The following ZBTB44 variants were observed in gnomAD, a reference collection of about 807,000 sequenced individuals.
The protein encoded by ZBTB44 is zinc finger and BTB domain-containing protein 44.
A neutral mutation model predicts 54.0 loss-of-function variants in ZBTB44; 15 were observed. The ratio of observed to expected loss-of-function variants is 0.28; its 90% CI spans 0.19 to 0.43. The LOEUF (loss-of-function observed/expected upper bound fraction) is 0.43. Among genes scored for constraint, ZBTB44 ranks in the 20% least tolerant of loss-of-function variants. The probability of loss-of-function intolerance (pLI) is 1.00; values close to 1 mark genes in which losing one functional copy is unlikely to be tolerated. For missense variants in ZBTB44, 487 were observed against 707.1 expected (o/e 0.69, Z 3.53); for synonymous variants, 230 against 250.1 (o/e 0.92, Z 0.76).
At chr11:130,277,668 CTTTTTTTTAAAG>C (rs1940206268) in intron 1 of ZBTB44, among the ~76,000 whole-genome samples, 1 of 151,790 alleles carries the variant, frequency 6.6e-6, no homozygotes, top group African/African-American at 2.4e-5. Context: ...ATGTTAATTT[CTTTTTTTTAAAG>C]TAATTATATA....
chr11:130,232,536 A>G (rs1953914674), intron 7 of ZBTB44: 1 of 152,176 alleles, frequency 6.6e-6, no homozygotes, highest in South Asian at 2.1e-4. Context: ...AGTCTTAATA[A>G]TTTTTTTCTC....
rs1459613331 is a variant in ZBTB44 at position 130,227,626 on chromosome 11, G to A, written c.*4138C>T. ...AGTCACCCATCTGGAAGACCATGGT[G>A]TACAGTTTCCGCCTAGGCTGGCTGC... On this transcript the variant is annotated 3_prime_UTR_variant, in exon 8 of 8. Transcript: ENST00000357899. 6.6e-6 allele frequency: 1 copy of A among 152,190 alleles called. No homozygotes were observed. Among genetic ancestry groups the A allele is most frequent in the Non-Finnish European group, 1.5e-5 (1 of 68,034 alleles). 9.4% of individuals were successfully genotyped at this position (152,190 alleles called of 1,614,324 possible).
rs531356703 is a variant in ZBTB44 at position 130,305,992 on chromosome 11, A to C, written c.-57+8383T>G. 5.3e-5 allele frequency among the ~76,000 whole-genome samples: 8 copies of C among 152,338 alleles called. No homozygotes were observed. The South Asian group carries it at 1.0e-3, about 20-fold the overall frequency. The stretch of plus-strand genomic sequence containing the variant: ...TCAAATGATATAAAAACAGCCAACA[A>C]ACACATGAAAAAATGTTTAACATCC... On this transcript the variant is annotated intron_variant, in intron 1 of 7. Transcript: ENST00000357899.
At chr11:130,243,000 A>C (rs1352231548) in intron 2 of ZBTB44, among the ~76,000 whole-genome samples, 2 of 152,122 alleles carry the variant, frequency 1.3e-5, no homozygotes, top group African/African-American at 4.8e-5. Flanking sequence ...GTTGAGTGCA[A>C]TGTGCTGCCA....
At chr11:130,313,962 A>ATTTTT (rs1251130348) in intron 1 of ZBTB44, among the ~76,000 whole-genome samples, 227 of 133,774 alleles carry the variant, frequency 1.7e-3, no homozygotes, top group African/African-American at 6.2e-3. Flanking sequence ...ATATATATAT[A>ATTTTT]TATATTTTTT....
In ZBTB44 at chr11:130,238,576, A is replaced by ACAG; in HGVS notation, c.1134_1135insCTG (p.Leu378dup). The ACAG allele has an allele frequency of 6.2e-7, 1 of 1,612,866 alleles. No homozygotes were observed. Among genetic ancestry groups the ACAG allele is most frequent in the Non-Finnish European group, 8.5e-7 (1 of 1,179,564 alleles). ...GTACTGCTGGTGGAAGGAGCAATGT[A>ACAG]GAGTTGGTAGGGATACTGAACATTT... On this transcript the variant is annotated inframe_insertion, in exon 4 of 8. Transcript: ENST00000357899.
chr11:130,231,671 T>C lies in ZBTB44; in HGVS notation c.*93A>G. On this transcript the variant is annotated 3_prime_UTR_variant, in exon 8 of 8. Coordinates refer to ENST00000357899, the MANE Select transcript of ZBTB44 (RefSeq NM_001301098.2). ...TCTTCTTTATTCTTCTTTCCTTCTT[T>C]TCTTTTTTCTTTCCTCTTGCTCTTT... is the stretch of plus-strand genomic sequence containing the variant. The C allele has an allele frequency of 6.6e-6, 1 of 152,268 alleles. No homozygotes were observed. 9.4% of individuals were successfully genotyped at this position (152,268 alleles called of 1,614,324 possible). A position where few individuals can be genotyped will look rare whatever the true frequency, so the allele number is the denominator to read the frequency against.
At chr11:130,298,742 C>T (rs932504506) in intron 1 of ZBTB44, among the ~76,000 whole-genome samples, 2 of 150,944 alleles carry the variant, frequency 1.3e-5, no homozygotes, top group African/African-American at 2.4e-5. Flanking sequence ...GGATTACAGG[C>T]GTGAGCCACC....
intron 1 of ZBTB44, among the ~76,000 whole-genome samples, chr11:130,273,287 TG>T (rs1306028076): frequency 8.0e-5 from 12 of 150,540 alleles, no homozygotes; most frequent in Non-Finnish European, 1.6e-4. Flanking sequence ...GATGTCACCA[TG>T]AATAAAATTA....
At chr11:130,302,351 A>T (rs76666375) in intron 1 of ZBTB44, among the ~76,000 whole-genome samples, 6,202 of 152,210 alleles carry the variant, frequency 0.041, 306 homozygotes, top group African/African-American at 0.12. Flanking sequence ...GTTAGGTAAA[A>T]CTAGTGGCGG....
intron 1 of ZBTB44, among the ~76,000 whole-genome samples, chr11:130,303,774 A>T (rs1942114503): frequency 6.6e-6 from 1 of 152,182 alleles, no homozygotes; most frequent in Admixed American, 6.5e-5. Flanking sequence ...AACATCTGTA[A>T]TTTTAAGTTT....
chr11:130,265,756 C>T (rs1397024139), intron 1 of ZBTB44, among the ~76,000 whole-genome samples: 1 of 152,136 alleles, frequency 6.6e-6, no homozygotes, highest in African/African-American at 2.4e-5. Flanking sequence ...AAGCCTAATC[C>T]AGCGCAAGGC....
chr11:130,286,143 G>T (rs1023404799), intron 1 of ZBTB44, among the ~76,000 whole-genome samples: 1 of 152,074 alleles, frequency 6.6e-6, no homozygotes, highest in South Asian at 2.1e-4. Flanking sequence ...AGACTGAGAC[G>T]AAATCAGGCA....
At chr11:130,241,786 T>A (rs573990443) in intron 2 of ZBTB44, among the ~76,000 whole-genome samples, 1 of 152,240 alleles carries the variant, frequency 6.6e-6, no homozygotes, top group South Asian at 2.1e-4. Context: ...AATTATCTTA[T>A]GAAAAGTATC....
chr11:130,300,503 T>C (rs1469139353), intron 1 of ZBTB44, among the ~76,000 whole-genome samples: 2 of 151,384 alleles, frequency 1.3e-5, no homozygotes, highest in Admixed American at 1.3e-4. Flanking sequence ...ATAAGCAAAA[T>C]TGATAAACCT....
chr11:130,299,367 T>A lies in ZBTB44; in HGVS notation c.-57+15008A>T, dbSNP rs183251018. ...ACCCATGGGCTGGTCAAATAAGGAA[T>A]CAACAAAGGAAACTGGAATATATTT... On this transcript the variant is annotated intron_variant, in intron 1 of 7. Transcript: ENST00000357899. Among the ~76,000 whole-genome samples, 11 of 151,910 alleles carry A rather than the reference T, an allele frequency of 7.2e-5. No homozygotes were observed. In the East Asian group the frequency reaches 2.1e-3, roughly 30 times the overall value.
intron 1 of ZBTB44, among the ~76,000 whole-genome samples, chr11:130,281,050 C>T (rs964207498): frequency 1.3e-5 from 2 of 152,046 alleles, no homozygotes; most frequent in African/African-American, 4.8e-5. Context: ...ATCCATAAAT[C>T]AAAAGGCAAG....
intron 1 of ZBTB44, among the ~76,000 whole-genome samples, chr11:130,290,872 T>C (rs1941262838): frequency 6.6e-6 from 1 of 152,188 alleles, no homozygotes; most frequent in Non-Finnish European, 1.5e-5. Flanking sequence ...GCAACTTATA[T>C]CCTGATGGTA....
intron 1 of ZBTB44, among the ~76,000 whole-genome samples, chr11:130,268,926 A>G (rs1045884579): frequency 6.6e-6 from 1 of 152,010 alleles, no homozygotes; most frequent in Non-Finnish European, 1.5e-5. Flanking sequence ...AATGTCATAC[A>G]TAATATGGAC....
Sources: gnomAD v4.1 joint callset for allele counts (sites outside exome capture counted in the v4.1 genomes callset) on GRCh38, gnomAD v4.1.1 for gene constraint, MANE v1.5 for transcripts, NCBI Gene and HGNC (gene_info 2026-07-23, HGNC 2026-07-21) for gene names.